The following WNT4 variants were observed in gnomAD, a reference collection of about 807,000 sequenced individuals.
WNT4 encodes Wnt family member 4, also known as protein Wnt-4.
WNT4 carries 16 observed loss-of-function variants against 34.5 expected under a neutral mutation model. The ratio of observed to expected loss-of-function variants is 0.46; its 90% CI spans 0.31 to 0.70. The LOEUF is 0.70. WNT4 is among the 30% of genes least tolerant of loss of function. The pLI is 0.04. For synonymous variants in WNT4, 200 were observed against 211.9 expected (o/e 0.94, Z 0.49); for missense variants, 379 against 495.9 (o/e 0.76, Z 2.24).
At position 22,121,542 on chromosome 1, in the gene WNT4, A is replaced by G. The variant is rs766564623; in HGVS notation, c.348T>C (p.Ser116=). 1.2e-6 allele frequency: 2 copies of G among 1,613,962 alleles called. No homozygotes were observed. The highest frequency in any genetic ancestry group is 2.2e-5 in the South Asian group (2 of 91,084). Residue 116 remains serine, a synonymous_variant, in exon 3 of 5, where the codon TCT becomes TCC. Transcript: ENST00000290167. Reference sequence around the variant, plus strand: ...TCACTGCAAAGGCCACACCTGCCGAAGAGATGGCGTACACGAAGGCCGCCT... The same window carrying G: ...TCACTGCAAAGGCCACACCTGCCGAGGAGATGGCGTACACGAAGGCCGCCT... ...TREAAFVYAI[S]SAGVAFAVTR...
At chr1:22,125,780 C>A (rs1645935981) in intron 2 of WNT4, among the ~76,000 whole-genome samples, 1 of 152,180 alleles carries the variant, frequency 6.6e-6, no homozygotes, top group Non-Finnish European at 1.5e-5. Flanking sequence ...GTTTTTATTG[C>A]CTTTCCTGCC....
intron 1 of WNT4, among the ~76,000 whole-genome samples, chr1:22,132,279 C>G (rs1221987451): frequency 6.6e-6 from 1 of 152,218 alleles, no homozygotes; most frequent in East Asian, 1.9e-4. Flanking sequence ...AACTCAGTCT[C>G]TGCTCCCACA....
intron 2 of WNT4, among the ~76,000 whole-genome samples, chr1:22,122,623 C>T (rs1257800119): frequency 2.6e-5 from 4 of 152,140 alleles, no homozygotes; most frequent in Admixed American, 2.0e-4. Context: ...GGCCTCTGTA[C>T]GCTGTGACTG....
At chr1:22,124,633 A>G (rs1304937100) in intron 2 of WNT4, among the ~76,000 whole-genome samples, 2 of 152,208 alleles carry the variant, frequency 1.3e-5, no homozygotes, top group East Asian at 3.8e-4. Flanking sequence ...TGGGTTCCTC[A>G]GGCAGTAAAT....
In WNT4 at chr1:22,118,333, GC is replaced by G. The variant is rs890253800; in HGVS notation, c.*1716del. 6 of 152,228 alleles carry G rather than the reference GC, an allele frequency of 3.9e-5. No individual in the cohort carries two copies. The highest frequency in any genetic ancestry group is 1.4e-4 in the African/African-American group (6 of 41,456). 9.4% of individuals were successfully genotyped at this position (152,228 alleles called of 1,614,324 possible). A position where few individuals can be genotyped will look rare whatever the true frequency, so the allele number is the denominator to read the frequency against. On this transcript the variant is annotated 3_prime_UTR_variant, in exon 5 of 5. Transcript: ENST00000290167. ...TAAAATCTCCGACCTGAAACTTAGA[GC>G]CCCAGTGTGGGGGCAGTCTGGAAAG...
rs925426660 is a variant in WNT4, at chr1:22,119,342, G to C, written c.*708C>G. 6.5e-6 allele frequency: 1 copy of C among 154,546 alleles called. No homozygotes were observed. Among genetic ancestry groups the C allele is most frequent in the Non-Finnish European group, 1.4e-5 (1 of 69,726 alleles). The allele number at this position is 154,546 out of a possible 1,614,324, so 9.6% of individuals were successfully genotyped here. A position where few individuals can be genotyped will look rare whatever the true frequency, so the allele number is the denominator to read the frequency against. ...CCTATATGCCTGCCTAGGTGGGTCT[G>C]GGGAGTGGTTAAGTTTCCTCTTCCC... On this transcript the variant is annotated 3_prime_UTR_variant, in exon 5 of 5. Transcript: ENST00000290167.
chr1:22,142,950 G>C lies in WNT4; in HGVS notation c.-28C>G. The C allele has an allele frequency of 9.6e-7, 1 of 1,040,418 alleles. No individual in the cohort carries two copies. Among genetic ancestry groups the C allele is most frequent in the Non-Finnish European group, 1.2e-6 (1 of 863,910 alleles). 64.4% of individuals were successfully genotyped at this position (1,040,418 alleles called of 1,614,324 possible). ...TGCCGCCGCGGGCGCCCGGCCCGGG[G>C]CAGCGGCTGCGGCCGCGGGGGGCCT... On this transcript the variant is annotated 5_prime_UTR_variant, in exon 1 of 5. Transcript: ENST00000290167. The surrounding 1 kb of genome is among the most constrained non-coding windows in gnomAD (Gnocchi z 6.0).
rs370529629 is a variant in WNT4, at chr1:22,129,900, T to C, written c.78-49A>G. 6.9e-6 allele frequency: 11 copies of C among 1,603,240 alleles called. No individual in the cohort carries two copies. The East Asian group carries it at 1.3e-4, about 20-fold the overall frequency. ...GCAGAGCCCACCTCCTCATCTTTCC[T>C]GGCCCCGGACCAGGCCTGAGCTCCA... is the stretch of plus-strand genomic sequence containing the variant. On this transcript the variant is annotated intron_variant, in intron 1 of 4. Coordinates refer to ENST00000290167, the MANE Select transcript of WNT4 (RefSeq NM_030761.5).
rs555640933 is a variant in WNT4, at chr1:22,137,018, C to T, written c.77+5828G>A. Among the ~76,000 whole-genome samples the T allele has an allele frequency of 2.3e-4, 35 of 152,212 alleles. 1 individual carries two copies. In the South Asian group the frequency reaches 5.2e-3, roughly 23 times the overall value. ...CTGAAGGGACCATTCACAGTCATCTCGGGGAAGGGCCCTGAGGCCCATCAG... is the reference window on the plus strand; with the variant it reads ...CTGAAGGGACCATTCACAGTCATCTTGGGGAAGGGCCCTGAGGCCCATCAG... On this transcript the variant is annotated intron_variant, in intron 1 of 4. Transcript: ENST00000290167. This position sits in a 1 kb window ranked among gnomAD's most constrained non-coding sequence, Gnocchi z 5.3.
At chr1:22,135,194 G>A (rs1213209134) in intron 1 of WNT4, among the ~76,000 whole-genome samples, 1 of 152,196 alleles carries the variant, frequency 6.6e-6, no homozygotes, top group Non-Finnish European at 1.5e-5. Flanking sequence ...GAAACCATTT[G>A]TGGGCATCAC....
chr1:22,119,741 T>C lies in WNT4; in HGVS notation c.*309A>G. The stretch of plus-strand genomic sequence containing the variant: ...ATACTCCTTGTTACTCCACCTTAGG[T>C]CTGCAAGTAGAAAAACGGACACAGA... On this transcript the variant is annotated 3_prime_UTR_variant, in exon 5 of 5. Transcript: ENST00000290167. The C allele has an allele frequency of 2.0e-6, 1 of 489,156 alleles. No homozygotes were observed. The highest frequency in any genetic ancestry group is 3.9e-5 in the East Asian group (1 of 25,882). The allele number at this position is 489,156 out of a possible 1,614,324, so 30.3% of individuals were successfully genotyped here. A position where few individuals can be genotyped will look rare whatever the true frequency, so the allele number is the denominator to read the frequency against.
In WNT4 at chr1:22,143,015, GGC is replaced by G; in HGVS notation, c.-95_-94del. 1 of 563,598 alleles carries G rather than the reference GGC, an allele frequency of 1.8e-6. No homozygotes were observed. Among genetic ancestry groups the G allele is most frequent in the Non-Finnish European group, 2.2e-6 (1 of 448,800 alleles). 34.9% of individuals were successfully genotyped at this position (563,598 alleles called of 1,614,324 possible). On this transcript the variant is annotated 5_prime_UTR_variant, in exon 1 of 5. Coordinates refer to ENST00000290167, the MANE Select transcript of WNT4 (RefSeq NM_030761.5). ...AGGTGGGCGCCCGCGGGCGGGCCGG[GGC>G]GCGCGCGGCGGGGCTCTGCCTCCGT...
intron 2 of WNT4, among the ~76,000 whole-genome samples, chr1:22,126,116 A>G (rs1316167060): frequency 6.6e-6 from 1 of 152,192 alleles, no homozygotes; most frequent in African/African-American, 2.4e-5. Flanking sequence ...TGTGCCAGAT[A>G]CCATCTTTAC....
intron 2 of WNT4, 75 bp downstream of exon 2, chr1:22,129,541 G>T (rs1373578560): frequency 1.3e-6 from 2 of 1,491,422 alleles, no homozygotes; most frequent in Non-Finnish European, 1.8e-6. Context: ...CGTTGCTCAC[G>T]AGCGTCTCAT....
intron 1 of WNT4, among the ~76,000 whole-genome samples, chr1:22,135,603 G>A (rs150541781): frequency 1.7e-3 from 253 of 152,284 alleles, no homozygotes; most frequent in African/African-American, 5.6e-3. Flanking sequence ...GGGTGGTTAC[G>A]GGACTGCCTG....
At chr1:22,135,656 G>A (rs1360003261) in intron 1 of WNT4, among the ~76,000 whole-genome samples, 1 of 152,194 alleles carries the variant, frequency 6.6e-6, no homozygotes, top group Non-Finnish European at 1.5e-5. Context: ...TTGGGGCCAT[G>A]GAAGGGTTGC....
chr1:22,128,202 C>T lies in WNT4; in HGVS notation c.313+1414G>A, dbSNP rs185637880. On this transcript the variant is annotated intron_variant, in intron 2 of 4. Coordinates refer to ENST00000290167, the MANE Select transcript of WNT4 (RefSeq NM_030761.5). ...AGGAGAATGACTTCCAAATTTCTATCACAGTTGGTTTCTAGCAACATCCAA... is the reference window on the plus strand; with the variant it reads ...AGGAGAATGACTTCCAAATTTCTATTACAGTTGGTTTCTAGCAACATCCAA... Among the ~76,000 whole-genome samples, 255 of 152,348 alleles carry T rather than the reference C, an allele frequency of 1.7e-3. No individual in the cohort carries two copies. In the Middle Eastern group the frequency reaches 0.024, roughly 14 times the overall value.
At position 22,137,309 on chromosome 1, in the gene WNT4, G is replaced by T. The variant is rs1367684704; in HGVS notation, c.77+5537C>A. ...GTTTGGCTGAATCACAGAAGATGCA[G>T]TTCAGGACTCAGAGATAAAACCTGG... On this transcript the variant is annotated intron_variant, in intron 1 of 4. Transcript: ENST00000290167. This position sits in a 1 kb window ranked among gnomAD's most constrained non-coding sequence, Gnocchi z 5.3. 6.6e-6 allele frequency among the ~76,000 whole-genome samples: 1 copy of T among 152,182 alleles called. No homozygotes were observed. Among genetic ancestry groups the T allele is most frequent in the East Asian group, 1.9e-4 (1 of 5,190 alleles).
At chr1:22,130,529 C>G (rs1472892918) in intron 1 of WNT4, among the ~76,000 whole-genome samples, 2 of 152,268 alleles carry the variant, frequency 1.3e-5, no homozygotes, top group Non-Finnish European at 2.9e-5. Flanking sequence ...GCTTGCCCAG[C>G]ACACTGAGTC....
Sources: gnomAD v4.1 joint callset for allele counts (sites outside exome capture counted in the v4.1 genomes callset) on GRCh38, gnomAD v4.1.1 for gene constraint, Gnocchi (gnomAD v3.1) non-coding constraint, MANE v1.5 for transcripts, NCBI Gene and HGNC (gene_info 2026-07-23, HGNC 2026-07-21) for gene names.